Variants in ABHD1 observed in about 807,000 individuals in gnomAD.
ABHD1 encodes the protein abhydrolase domain containing 1.
ABHD1 carries 47 observed loss-of-function variants against 41.4 expected under a neutral mutation model. The observed-to-expected ratio is 1.13, with a 90% CI of 0.90 to 1.45. The LOEUF (loss-of-function observed/expected upper bound fraction) is 1.45, where lower values mean the gene tolerates loss of function less well. Among genes scored for constraint, ABHD1 ranks in the 40% most tolerant of loss-of-function variants. ABHD1 has a pLI of 0.00. For synonymous variants in ABHD1, 205 were observed against 203.7 expected (o/e 1.01, Z -0.05); for missense variants, 550 against 503.4 (o/e 1.09, Z -0.89).
chr2:27,128,705 T>C (rs1020893141), intron 2 of ABHD1, 104 bp downstream of exon 2: 1 of 1,472,620 alleles, frequency 6.8e-7, no homozygotes, highest in Non-Finnish European at 9.3e-7. Flanking sequence ...TACATCCCTG[T>C]GTTGAGGGTT....
Position 27,129,005 on chromosome 2 carries a change from C to A in ABHD1, c.336C>A (p.Asp112Glu), listed in dbSNP as rs747675370. Residue 112 changes from aspartate (D) to glutamate (E), a missense_variant, in exon 3 of 9, where the codon GAC (aspartate) becomes GAA (glutamate). Physicochemically the swap from Asp to Glu is conservative, Grantham distance 45. Coordinates refer to ENST00000316470, the MANE Select transcript of ABHD1 (RefSeq NM_032604.4). ...TGCTAGACTGGGCCAAGCAGCCTGA[C>A]AGCAGCCAAGACCCTGATCCTACTA... ...QLLLDWAKQP[D>E]SSQDPDPTTQ... 3 of 1,614,222 alleles carry A rather than the reference C, an allele frequency of 1.9e-6. No homozygotes were observed. The Admixed American group carries it at 5.0e-5, about 27-fold the overall frequency.
In ABHD1 at chr2:27,129,896, C is replaced by T; in HGVS notation, c.760C>T (p.Leu254Phe). 1 of 1,614,052 alleles carries T rather than the reference C, an allele frequency of 6.2e-7. No homozygotes were observed. Among genetic ancestry groups the T allele is most frequent in the Non-Finnish European group, 8.5e-7 (1 of 1,180,014 alleles). The part of the protein sequence containing the change: ...PLNSLLFNQP[L>F]TAGLCQLVER... ...CAACTCACTGCTCTTCAATCAGCCC[C>T]TCACTGCTGGGCTCTGCCAACTTGT... is the stretch of plus-strand genomic sequence containing the variant. The change falls in exon 6 of 9, where the codon CTC (leucine) becomes TTC (phenylalanine). Residue 254 changes from leucine to phenylalanine, a missense_variant. Transcript: ENST00000316470.
At position 27,130,234 on chromosome 2, in the gene ABHD1, T is replaced by TAAG; in HGVS notation, c.841-16_841-15insAGA. 1 of 1,614,214 alleles carries TAAG rather than the reference T, an allele frequency of 6.2e-7. No individual in the cohort carries two copies. Among genetic ancestry groups the TAAG allele is most frequent in the South Asian group, 1.1e-5 (1 of 91,090 alleles). On this transcript the variant is annotated splice_polypyrimidine_tract_variant and intron_variant, in intron 7 of 8. Coordinates refer to ENST00000316470, the MANE Select transcript of ABHD1 (RefSeq NM_032604.4). Reference sequence around the variant, plus strand: ...TATTCTTTATCATCTTAGCCTATCCTATGGTAAGACCTGCAGGCCCGTACA... The same window carrying TAAG: ...TATTCTTTATCATCTTAGCCTATCCTAAGATGGTAAGACCTGCAGGCCCGTACA...
chr2:27,127,452 G>A (rs1241573244), intron 1 of ABHD1, among the ~76,000 whole-genome samples: 65 of 143,722 alleles, frequency 4.5e-4, no homozygotes, highest in African/African-American at 1.5e-3. Flanking sequence ...TACTTGGGAG[G>A]CTGAGGCAGG....
chr2:27,129,904 T>C lies in ABHD1; in HGVS notation c.768T>C (p.Ala256=). Residue 256 remains alanine (A), a synonymous_variant, in exon 6 of 9, where the codon GCT becomes GCC. Transcript: ENST00000316470. ...TGCTCTTCAATCAGCCCCTCACTGC[T>C]GGGCTCTGCCAACTTGTGGAACGGT... ...NSLLFNQPLT[A]GLCQLVERNR... The C allele has an allele frequency of 1.2e-6, 2 of 1,614,056 alleles. No individual in the cohort carries two copies. Among genetic ancestry groups the C allele is most frequent in the South Asian group, 1.1e-5 (1 of 91,082 alleles).
At position 27,123,928 on chromosome 2, in the gene ABHD1, G is replaced by T. The variant is rs763012248; in HGVS notation, c.-21G>T. On this transcript the variant is annotated 5_prime_UTR_variant, in exon 1 of 9. Transcript: ENST00000316470. ...ACTGGGGCCAGCCAGGAGCCTGAGG[G>T]TCGGAAGCCCCCAACACAAGATGCT... 3 of 1,607,766 alleles carry T rather than the reference G, an allele frequency of 1.9e-6. No homozygotes were observed. The highest frequency in any genetic ancestry group is 1.7e-6 in the Non-Finnish European group (2 of 1,174,308).
intron 1 of ABHD1, 161 bp downstream of exon 1, chr2:27,124,223 T>C (rs775441402): frequency 3.3e-5 from 24 of 725,914 alleles, no homozygotes; most frequent in Non-Finnish European, 5.9e-5. Context: ...CTAGTGCCTC[T>C]GCATCCCATG....
chr2:27,130,810 T>G lies in ABHD1; in HGVS notation c.*66T>G, dbSNP rs1313981121. Reference sequence around the variant, plus strand: ...TTATTAAATATCAACTTTTCCTGCCTAATGGGCTGAGGTTCATTTTCCCAT... The same window carrying G: ...TTATTAAATATCAACTTTTCCTGCCGAATGGGCTGAGGTTCATTTTCCCAT... On this transcript the variant is annotated 3_prime_UTR_variant, in exon 9 of 9. Coordinates refer to ENST00000316470, the MANE Select transcript of ABHD1 (RefSeq NM_032604.4). 6.5e-7 allele frequency: 1 copy of G among 1,541,774 alleles called. No homozygotes were observed. Among genetic ancestry groups the G allele is most frequent in the Non-Finnish European group, 8.9e-7 (1 of 1,121,308 alleles).
rs2304678 is a variant in ABHD1, at chr2:27,130,639, G to A, written c.1113G>A (p.Trp371Ter). Residue 371 changes from tryptophan to a stop codon, truncating the protein, a stop_gained, in exon 9 of 9, where the codon TGG (tryptophan) becomes TGA (stop). Transcript: ENST00000316470. LOFTEE classifies it low-confidence loss of function (END_TRUNC). ...FLEGLLPWQH[W>*]YMSRLLHQYA... Reference sequence around the variant, plus strand: ...AAGGGCTGCTCCCGTGGCAGCACTGGTACATGAGCCGCCTCTTGCATCAGT... The same window carrying A: ...AAGGGCTGCTCCCGTGGCAGCACTGATACATGAGCCGCCTCTTGCATCAGT... 2 of 1,614,040 alleles carry A rather than the reference G, an allele frequency of 1.2e-6. No individual in the cohort carries two copies. The highest frequency in any genetic ancestry group is 1.7e-6 in the Non-Finnish European group (2 of 1,180,004).
chr2:27,130,603 C>G lies in ABHD1; in HGVS notation c.1077C>G (p.Ile359Met). Residue 359 changes from isoleucine (I) to methionine (M), a missense_variant, in exon 9 of 9, where the codon ATC becomes ATG. Coordinates refer to ENST00000316470, the MANE Select transcript of ABHD1 (RefSeq NM_032604.4). Reference sequence around the variant, plus strand: ...TCATCACAGCCCGGGGTGGCCACATCGGCTTCCTGGAAGGGCTGCTCCCGT... The same window carrying G: ...TCATCACAGCCCGGGGTGGCCACATGGGCTTCCTGGAAGGGCTGCTCCCGT... The part of the protein sequence containing the change: ...ALLITARGGH[I>M]GFLEGLLPWQ... The G allele has an allele frequency of 3.7e-6, 6 of 1,614,192 alleles. No individual in the cohort carries two copies. Among genetic ancestry groups the G allele is most frequent in the Non-Finnish European group, 4.2e-6 (5 of 1,180,034 alleles).
chr2:27,126,481 G>C (rs1047090679), intron 1 of ABHD1: 1 of 152,274 alleles, frequency 6.6e-6, no homozygotes, highest in African/African-American at 2.4e-5. Flanking sequence ...ACTGGAGATA[G>C]AAATCTGGTC....
chr2:27,128,091 G>A (rs1363126330), intron 1 of ABHD1, among the ~76,000 whole-genome samples: 1 of 152,164 alleles, frequency 6.6e-6, no homozygotes, highest in Non-Finnish European at 1.5e-5. Flanking sequence ...TGGGACCACA[G>A]GCGCACACCA....
At chr2:27,129,390 C>T (rs778716676) in intron 4 of ABHD1, 29 bp downstream of exon 4, 3 of 1,613,912 alleles carry the variant, frequency 1.9e-6, no homozygotes, top group Non-Finnish European at 2.5e-6. Flanking sequence ...CATAGCAGCC[C>T]TTCACCCACT....
chr2:27,130,559 T>TC lies in ABHD1; in HGVS notation c.1038dup (p.Tyr347LeufsTer47). On this transcript the variant is annotated frameshift_variant, in exon 9 of 9. Coordinates refer to ENST00000316470, the MANE Select transcript of ABHD1 (RefSeq NM_032604.4). LOFTEE classifies it low-confidence loss of function (END_TRUNC). ...CCTTCCCATACAGGCCGCCCAACAC[T>TC]CCCCCTACGTTGCGCTGCTCATCAC... 6.2e-7 allele frequency: 1 copy of TC among 1,613,906 alleles called. No homozygotes were observed. Among genetic ancestry groups the TC allele is most frequent in the Non-Finnish European group, 8.5e-7 (1 of 1,179,968 alleles).
rs771320836 is a variant in ABHD1, at chr2:27,130,355, T to C, written c.945T>C (p.Asp315=). The C allele has an allele frequency of 5.6e-6, 9 of 1,614,180 alleles. No individual in the cohort carries two copies. The highest frequency in any genetic ancestry group is 2.5e-6 in the Non-Finnish European group (3 of 1,180,022). The change falls in exon 8 of 9, where the codon GAT becomes GAC. Residue 315 remains aspartate (D), a synonymous_variant. Coordinates refer to ENST00000316470, the MANE Select transcript of ABHD1 (RefSeq NM_032604.4). ...CAGCAAGCCCTAGAACCAAGATAGA[T>C]GCCATCCGGATCCCTGTGCTCTATC... ...YKAASPRTKI[D]AIRIPVLYLS...
intron 1 of ABHD1, among the ~76,000 whole-genome samples, chr2:27,127,566 A>AG (rs1314515403): frequency 2.2e-4 from 12 of 54,640 alleles, no homozygotes; most frequent in Middle Eastern, 9.4e-3. Context: ...AAAAAAAAAA[A>AG]AAAAAGAAAA....
chr2:27,126,131 T>C (rs1236276308), intron 1 of ABHD1: 1 of 152,180 alleles, frequency 6.6e-6, no homozygotes, highest in Non-Finnish European at 1.5e-5. Context: ...GTTATGAAAA[T>C]CACAAGACAA....
In ABHD1 at chr2:27,129,475, C is replaced by T. The variant is rs760051045; in HGVS notation, c.505-39C>T. 1.2e-5 allele frequency: 20 copies of T among 1,612,126 alleles called. No individual in the cohort carries two copies. The Admixed American group carries it at 1.3e-4, about 11-fold the overall frequency. ...CAGTTTCCCCTCCACCTTCTGGCCA[C>T]GGTCTCCCTCCCTACCCAATGATCT... On this transcript the variant is annotated intron_variant, in intron 4 of 8. Coordinates refer to ENST00000316470, the MANE Select transcript of ABHD1 (RefSeq NM_032604.4).
rs547556090 is a variant in ABHD1, at chr2:27,128,022, C to T, written c.115-419C>T. ...AGAGTACAGTGGTGCTATCATAGCT[C>T]ACTGCAGCCTTGAACTCCTGGGCTC... On this transcript the variant is annotated intron_variant, in intron 1 of 8. Coordinates refer to ENST00000316470, the MANE Select transcript of ABHD1 (RefSeq NM_032604.4). Among the ~76,000 whole-genome samples, 7 of 152,178 alleles carry T rather than the reference C, an allele frequency of 4.6e-5. No homozygotes were observed. In the East Asian group the frequency reaches 1.4e-3, roughly 29 times the overall value.
Sources: allele counts gnomAD v4.1 joint callset (sites outside exome capture counted in the v4.1 genomes callset), GRCh38; gene constraint gnomAD v4.1.1; transcripts MANE v1.5; gene names NCBI Gene and HGNC (gene_info 2026-07-23, HGNC 2026-07-21).